The following MOV10 variants were observed in gnomAD, a reference collection of about 807,000 sequenced individuals.
The protein encoded by MOV10 is Mov10 RNA helicase.
MOV10 carries 39 observed loss-of-function variants against 108.4 expected under a neutral mutation model. The observed-to-expected ratio is 0.36, with a 90% CI of 0.28 to 0.47. MOV10 has a LOEUF of 0.47. Ranked by LOEUF, MOV10 falls within the 20% of genes least tolerant of loss-of-function variation. The pLI is 1.00. For synonymous variants in MOV10, 490 were observed against 523.1 expected (o/e 0.94, Z 0.86); for missense variants, 952 against 1,297.6 (o/e 0.73, Z 4.09).
At chr1:112,693,927 C>T in intron 7 of MOV10, 91 bp from the exon 8 acceptor site, 2 of 1,203,330 alleles carry the variant, frequency 1.7e-6, no homozygotes, top group Non-Finnish European at 2.4e-6. Context: ...CAGTCTCAGT[C>T]CTTGTCCCTT....
chr1:112,694,118 AG>A lies in MOV10; in HGVS notation c.1244del (p.Gly415AlafsTer13), dbSNP rs1673843302. 1.9e-6 allele frequency: 3 copies of A among 1,613,942 alleles called. No individual in the cohort carries two copies. The South Asian group carries it at 3.3e-5, about 18-fold the overall frequency. Reference protein sequence around the residue: ...ETHQEDPITYKGFVHKVELDR... With the variant: ...ETHQEDPITYXGFVHKVELDR... ...CACCAGGAGGACCCCATCACATATA[AG>A]GGCTTTGTGCACAAGGTGGAATTGG... is the stretch of plus-strand genomic sequence containing the variant. On this transcript the variant is annotated frameshift_variant, in exon 8 of 21. Coordinates refer to ENST00000369645, the MANE Select transcript of MOV10 (RefSeq NM_001321324.2). LOFTEE classifies it high-confidence loss of function. The surrounding 1 kb of genome is among the most constrained non-coding windows in gnomAD (Gnocchi z 4.1).
intron 5 of MOV10, among the ~76,000 whole-genome samples, chr1:112,691,137 C>T (rs565450019): frequency 3.3e-5 from 5 of 151,994 alleles, no homozygotes; most frequent in African/African-American, 4.8e-5. Flanking sequence ...AAAAATTAGC[C>T]GGGTGTGGTG....
intron 17 of MOV10, 68 bp downstream of exon 17, chr1:112,698,857 C>T (rs1418847257): frequency 7.4e-7 from 1 of 1,343,170 alleles, no homozygotes; most frequent in Non-Finnish European, 1.1e-6. Context: ...CCAGAGACTT[C>T]CTCAAGCTTC....
chr1:112,694,198 G>A lies in MOV10; in HGVS notation c.1295+26G>A, dbSNP rs369502760. The A allele has an allele frequency of 2.5e-4, 398 of 1,613,626 alleles. 9 individuals are homozygous for A. In the South Asian group the frequency reaches 3.8e-3, roughly 15 times the overall value. Reference sequence around the variant, plus strand: ...GTGGGTGTTGGGGGAACCCTGAGCTGCTGGAAGGGTCTACAGACTTCTGAC... The same window carrying A: ...GTGGGTGTTGGGGGAACCCTGAGCTACTGGAAGGGTCTACAGACTTCTGAC... On this transcript the variant is annotated intron_variant, in intron 8 of 20. Coordinates refer to ENST00000369645, the MANE Select transcript of MOV10 (RefSeq NM_001321324.2). The surrounding 1 kb of genome is among the most constrained non-coding windows in gnomAD (Gnocchi z 4.1).
chr1:112,700,499 G>A lies in MOV10; in HGVS notation c.3004G>A (p.Glu1002Lys). Reference sequence around the variant, plus strand: ...GCAAGTGGAGCCAGAGTGGAGGAATGAGCTCTGAAGACACAGCACCCAGCC... The same window carrying A: ...GCAAGTGGAGCCAGAGTGGAGGAATAAGCTCTGAAGACACAGCACCCAGCC... ...SLQVEPEWRNEL is the reference protein window; with the variant it reads ...SLQVEPEWRNKL Residue 1002 changes from glutamate to lysine, a missense_variant, in exon 21 of 21, where the codon GAG becomes AAG. Physicochemically the swap from Glu to Lys is moderately conservative, Grantham distance 56. Transcript: ENST00000369645. 2 of 1,613,360 alleles carry A rather than the reference G, an allele frequency of 1.2e-6. No homozygotes were observed. Among genetic ancestry groups the A allele is most frequent in the Non-Finnish European group, 1.7e-6 (2 of 1,179,598 alleles).
rs775468592 is a variant in MOV10 at position 112,690,098 on chromosome 1, G to A, written c.836G>A (p.Arg279His). 2.2e-5 allele frequency: 36 copies of A among 1,612,314 alleles called. No homozygotes were observed. Among genetic ancestry groups the A allele is most frequent in the East Asian group, 8.9e-5 (4 of 44,860 alleles). ...ATAGAGGAAGGAGAGAGACCTGACC[G>A]GTAACTCCTCCCTCCAACTCAGCCC... is the stretch of plus-strand genomic sequence containing the variant. ...NRIEEGERPD[R>H]AKGYDLELSM... Residue 279 changes from arginine to histidine, a missense_variant and splice_region_variant, in exon 5 of 21, where the codon CGC (arginine) becomes CAC (histidine). Arg to His is a conservative substitution (Grantham distance 29, BLOSUM62 0). Around this residue, in one of 5 missense-constraint regions of MOV10, gnomAD observed 374 missense variants for 468.6 expected, o/e 0.80. Transcript: ENST00000369645.
At chr1:112,692,117 C>G (rs566376445) in intron 6 of MOV10, among the ~76,000 whole-genome samples, 146 of 152,198 alleles carry the variant, frequency 9.6e-4, no homozygotes, top group Non-Finnish European at 1.9e-3. Flanking sequence ...ATCATTTAAG[C>G]CCAAGAGTTC....
In MOV10 at chr1:112,689,560, G is replaced by A; in HGVS notation, c.487G>A (p.Val163Ile). ...GCTTCGGAATGGCGGAACCCAGTCT[G>A]TTACCCTCACTCACCTCTTCCCACT... is the stretch of plus-strand genomic sequence containing the variant. ...LRLRNGGTQS[V>I]TLTHLFPLCR... Residue 163 changes from valine to isoleucine, a missense_variant, in exon 4 of 21, where the codon GTT (valine) becomes ATT (isoleucine). Around this residue, in one of 5 missense-constraint regions of MOV10, gnomAD observed 374 missense variants for 468.6 expected, o/e 0.80. Coordinates refer to ENST00000369645, the MANE Select transcript of MOV10 (RefSeq NM_001321324.2). 6.2e-7 allele frequency: 1 copy of A among 1,614,184 alleles called. No individual in the cohort carries two copies. Among genetic ancestry groups the A allele is most frequent in the Non-Finnish European group, 8.5e-7 (1 of 1,180,034 alleles).
chr1:112,689,864 A>G lies in MOV10; in HGVS notation c.602A>G (p.His201Arg). The G allele has an allele frequency of 6.2e-7, 1 of 1,614,126 alleles. No individual in the cohort carries two copies. The highest frequency in any genetic ancestry group is 1.1e-5 in the South Asian group (1 of 91,084). The change falls in exon 5 of 21, where the codon CAT (histidine) becomes CGT (arginine). Residue 201 changes from histidine to arginine, a missense_variant. Physicochemically the swap from His to Arg is conservative, Grantham distance 29. Around this residue, in one of 5 missense-constraint regions of MOV10, gnomAD observed 374 missense variants for 468.6 expected, o/e 0.80. Coordinates refer to ENST00000369645, the MANE Select transcript of MOV10 (RefSeq NM_001321324.2). Reference protein sequence around the residue: ...GPGECYELHVHCKTSFVGYFP... With the variant: ...GPGECYELHVRCKTSFVGYFP... ...GGTGAATGCTATGAACTCCATGTCC[A>G]TTGTAAGACCAGCTTTGTGGGCTAC...
chr1:112,690,133 T>G, intron 5 of MOV10, 35 bp downstream of exon 5: 5 of 1,604,612 alleles, frequency 3.1e-6, no homozygotes, highest in Non-Finnish European at 4.3e-6. Flanking sequence ...CTGGCTGGGC[T>G]CGTATCTCAA....
chr1:112,689,268 G>C, intron 3 of MOV10, 130 bp downstream of exon 3: 1 of 1,225,176 alleles, frequency 8.2e-7, no homozygotes, highest in African/African-American at 1.5e-5. Flanking sequence ...ATGGGGGAAG[G>C]GCAGGGAACT....
At chr1:112,700,084 A>G in intron 19 of MOV10, 102 bp downstream of exon 19, 5 of 1,583,868 alleles carry the variant, frequency 3.2e-6, no homozygotes, top group African/African-American at 1.3e-5. Flanking sequence ...TAATCCTCAG[A>G]TGTGTCCATT....
At chr1:112,692,307 G>C (rs528073250) in intron 6 of MOV10, among the ~76,000 whole-genome samples, 1 of 152,304 alleles carries the variant, frequency 6.6e-6, no homozygotes, top group South Asian at 2.1e-4. Context: ...CTGCACTCCA[G>C]CATGGGTGAC....
rs1210711063 is a variant in MOV10 at position 112,699,755 on chromosome 1, A to G, written c.2654A>G (p.Gln885Arg). The G allele has an allele frequency of 6.2e-7, 1 of 1,614,084 alleles. No individual in the cohort carries two copies. Among genetic ancestry groups the G allele is most frequent in the Non-Finnish European group, 8.5e-7 (1 of 1,180,006 alleles). Residue 885 changes from glutamine to arginine, a missense_variant, in exon 18 of 21, where the codon CAG (glutamine) becomes CGG (arginine). By Grantham distance (43) the Gln-to-Arg change is conservative. Transcript: ENST00000369645. ...CTCATCTCCACCGTGCGAAGCAGCC[A>G]GAGCTTTGTGCAGCTGGATCTGGAC... ...VILISTVRSS[Q>R]SFVQLDLDFN...
chr1:112,696,727 C>G lies in MOV10; in HGVS notation c.2079C>G (p.Thr693=), dbSNP rs1674124124. The part of the protein sequence containing the change: ...QLGPVLRSPL[T]QKHGLGYSLL... ...GGCCTGTGCTGCGTTCCCCACTGAC[C>G]CAGAAGCATGGACTGGGATACTCAC... Residue 693 remains threonine (T), a synonymous_variant, in exon 14 of 21, where the codon ACC becomes ACG. Coordinates refer to ENST00000369645, the MANE Select transcript of MOV10 (RefSeq NM_001321324.2). The G allele has an allele frequency of 6.2e-7, 1 of 1,606,790 alleles. No individual in the cohort carries two copies. The highest frequency in any genetic ancestry group is 1.1e-5 in the South Asian group (1 of 89,688).
intron 2 of MOV10, among the ~76,000 whole-genome samples, chr1:112,686,033 C>T (rs1021138603): frequency 6.6e-6 from 1 of 152,170 alleles, no homozygotes; most frequent in Non-Finnish European, 1.5e-5. Flanking sequence ...CTACTGGCCC[C>T]GTTCGAAGAT....
intron 17 of MOV10, chr1:112,699,425 C>A: frequency 7.7e-7 from 1 of 1,302,166 alleles, no homozygotes; most frequent in Non-Finnish European, 9.9e-7. Flanking sequence ...TCTGAGTTCC[C>A]GTGTTCTTTG....
Position 112,674,738 on chromosome 1 carries a change from A to G in MOV10, c.-66+9A>G. On this transcript the variant is annotated intron_variant, in intron 1 of 20. Coordinates refer to ENST00000369645, the MANE Select transcript of MOV10 (RefSeq NM_001321324.2). The stretch of plus-strand genomic sequence containing the variant: ...CCGAAGGGAAAGCTCAGGTAAGAAA[A>G]GAACGGAGGAGGGAAGCCTGGTGGG... 1 of 568,198 alleles carries G rather than the reference A, an allele frequency of 1.8e-6. No individual in the cohort carries two copies. 35.2% of individuals were successfully genotyped at this position (568,198 alleles called of 1,614,324 possible). A position where few individuals can be genotyped will look rare whatever the true frequency, so the allele number is the denominator to read the frequency against.
At position 112,700,495 on chromosome 1, in the gene MOV10, G is replaced by T. The variant is rs1309311810; in HGVS notation, c.3000G>T (p.Arg1000Ser). The T allele has an allele frequency of 6.2e-7, 1 of 1,613,646 alleles. No individual in the cohort carries two copies. Among genetic ancestry groups the T allele is most frequent in the South Asian group, 1.1e-5 (1 of 90,974 alleles). Residue 1000 changes from arginine to serine, a missense_variant, in exon 21 of 21, where the codon AGG becomes AGT. Arg to Ser is a moderately radical substitution (Grantham distance 110, BLOSUM62 -1). Coordinates refer to ENST00000369645, the MANE Select transcript of MOV10 (RefSeq NM_001321324.2). ...GLSLQVEPEW[R>S]NEL ...CTCTGCAAGTGGAGCCAGAGTGGAG[G>T]AATGAGCTCTGAAGACACAGCACCC...
Sources: allele counts gnomAD v4.1 joint callset (sites outside exome capture counted in the v4.1 genomes callset), GRCh38; gene constraint gnomAD v4.1.1; regional missense constraint gnomAD v4.1.1; non-coding constraint Gnocchi (gnomAD v3.1); transcripts MANE v1.5; gene names NCBI Gene and HGNC (gene_info 2026-07-23, HGNC 2026-07-21).